The following VENTX variants were observed in gnomAD, a reference collection of about 807,000 sequenced individuals.
VENTX encodes the protein homeobox protein VENTX.
VENTX carries 13 observed loss-of-function variants against 10.5 expected under a neutral mutation model. The ratio of observed to expected loss-of-function variants is 1.23; its 90% CI spans 0.80 to 1.96. The LOEUF is 1.96. Among genes scored for constraint, VENTX ranks in the 30% most tolerant of loss-of-function variants. VENTX has a pLI of 0.00. For synonymous variants in VENTX, 177 were observed against 150.4 expected (o/e 1.18, Z -1.29); for missense variants, 400 against 341.8 (o/e 1.17, Z -1.34).
Position 133,239,752 on chromosome 10 carries a change from G to C in VENTX, c.318G>C (p.Leu106Phe). The C allele has an allele frequency of 6.2e-7, 1 of 1,611,304 alleles. No homozygotes were observed. The highest frequency in any genetic ancestry group is 2.2e-5 in the East Asian group (1 of 44,878). ...TCACCATGGAGCAGGTCCGCACCTT[G>C]GAGGGCGTCTTCCAGCACCACCAGT... ...TAFTMEQVRT[L>F]EGVFQHHQYL... is the part of the protein sequence containing the mutation. The change falls in exon 2 of 3, where the codon TTG becomes TTC. Residue 106 changes from leucine to phenylalanine, a missense_variant. Transcript: ENST00000325980.
At chr10:133,239,224 G>A (rs1845893711) in intron 1 of VENTX, among the ~76,000 whole-genome samples, 2 of 152,204 alleles carry the variant, frequency 1.3e-5, no homozygotes, top group African/African-American at 4.8e-5. Context: ...TAGAAATTAG[G>A]AAACAGACTT....
chr10:133,238,215 C>G, intron 1 of VENTX, 60 bp downstream of exon 1: 1 of 1,499,950 alleles, frequency 6.7e-7, no homozygotes, highest in South Asian at 1.4e-5. Context: ...GGGGGAGAGG[C>G]CAGGAGCCCG....
Position 133,237,969 on chromosome 10 carries a change from T to C in VENTX, c.55T>C (p.Ser19Pro), listed in dbSNP as rs990097804. ...CCCGCAGCAGCTCTCCAGCTTTGGC[T>C]CCGTGGACTGGCTCTCCCAGAGCAG... ...RGPQQLSSFG[S>P]VDWLSQSSCS... The change falls in exon 1 of 3, where the codon TCC becomes CCC. Residue 19 changes from serine to proline, a missense_variant. Coordinates refer to ENST00000325980, the MANE Select transcript of VENTX (RefSeq NM_014468.4). The C allele has an allele frequency of 2.5e-6, 4 of 1,600,642 alleles. No individual in the cohort carries two copies. The African/African-American group carries it at 4.0e-5, about 16-fold the overall frequency.
Position 133,241,162 on chromosome 10 carries a change from C to T in VENTX, c.*856C>T, listed in dbSNP as rs1405436995. 1 of 152,392 alleles carries T rather than the reference C, an allele frequency of 6.6e-6. No homozygotes were observed. Among genetic ancestry groups the T allele is most frequent in the East Asian group, 1.9e-4 (1 of 5,190 alleles). The allele number at this position is 152,392 out of a possible 1,614,324, so 9.4% of individuals were successfully genotyped here. ...GAAAGCAGGAGGGAACAAAGGTGAA[C>T]ATGAAGGCGAGGATGCTGGGGCCCT... On this transcript the variant is annotated 3_prime_UTR_variant, in exon 3 of 3. Transcript: ENST00000325980.
rs141512959 is a variant in VENTX at position 133,239,805 on chromosome 10, T to C, written c.371T>C (p.Leu124Pro). 10 of 1,436,754 alleles carry C rather than the reference T, an allele frequency of 7.0e-6. No homozygotes were observed. The highest frequency in any genetic ancestry group is 9.3e-6 in the Non-Finnish European group (10 of 1,073,932). The allele number at this position is 1,436,754 out of a possible 1,614,324, so 89.0% of individuals were successfully genotyped here. ...CTGAGCCCTCTGGAGCGGAAGAGGC[T>C]GGCCAGGGAGATGCAGCTCTCAGAG... Reference protein sequence around the residue: ...QYLSPLERKRLAREMQLSEVQ... With the variant: ...QYLSPLERKRPAREMQLSEVQ... The change falls in exon 2 of 3, where the codon CTG becomes CCG. Residue 124 changes from leucine (L) to proline (P), a missense_variant. Transcript: ENST00000325980.
In VENTX at chr10:133,237,918, C is replaced by G. The variant is rs199772075; in HGVS notation, c.4C>G (p.Arg2Gly). 2.2e-4 allele frequency: 345 copies of G among 1,586,570 alleles called. 1 individual carries two copies. In the African/African-American group the frequency reaches 4.2e-3, roughly 19 times the overall value. Residue 2 changes from arginine to glycine, a missense_variant, in exon 1 of 3, where the codon CGC becomes GGC. Coordinates refer to ENST00000325980, the MANE Select transcript of VENTX (RefSeq NM_014468.4). ...CCCTCCGGCCCACCTGGCCGCCATGCGCCTCTCCTCCTCCCCACCTCGTGG... is the reference window on the plus strand; with the variant it reads ...CCCTCCGGCCCACCTGGCCGCCATGGGCCTCTCCTCCTCCCCACCTCGTGG... M[R>G]LSSSPPRGPQ...
chr10:133,239,008 T>C (rs916907891), intron 1 of VENTX, among the ~76,000 whole-genome samples: 1 of 152,174 alleles, frequency 6.6e-6, no homozygotes, highest in Non-Finnish European at 1.5e-5. Context: ...GGCATTTGCT[T>C]TTTGGGTCTA....
At position 133,241,915 on chromosome 10, in the gene VENTX, A is replaced by T. The variant is rs1845938838; in HGVS notation, c.*1609A>T. The T allele has an allele frequency of 6.6e-6, 1 of 152,274 alleles. No individual in the cohort carries two copies. The highest frequency in any genetic ancestry group is 1.5e-5 in the Non-Finnish European group (1 of 68,084). The allele number at this position is 152,274 out of a possible 1,614,324, so 9.4% of individuals were successfully genotyped here. A position where few individuals can be genotyped will look rare whatever the true frequency, so the allele number is the denominator to read the frequency against. On this transcript the variant is annotated 3_prime_UTR_variant, in exon 3 of 3. Coordinates refer to ENST00000325980, the MANE Select transcript of VENTX (RefSeq NM_014468.4). ...GGGGCACGTTGTCCGTGATAAAAGT[A>T]CAAGTGCCCCTCACCGCCCGTGGAG...
Position 133,238,013 on chromosome 10 carries a change from C to T in VENTX, c.99C>T (p.His33=), listed in dbSNP as rs1314460795. 4.4e-6 allele frequency: 7 copies of T among 1,600,390 alleles called. No homozygotes were observed. The South Asian group carries it at 7.8e-5, about 18-fold the overall frequency. Residue 33 remains histidine (H), a synonymous_variant, in exon 1 of 3, where the codon CAC becomes CAT. Transcript: ENST00000325980. The part of the protein sequence containing the change: ...LSQSSCSGPT[H]TPRPADFSLG... ...AGAGCAGCTGCTCAGGGCCGACCCA[C>T]ACCCCCAGGCCTGCCGACTTCTCCC...
intron 1 of VENTX, 43 bp downstream of exon 1, chr10:133,238,198 T>A (rs1406606366): frequency 1.3e-6 from 2 of 1,546,894 alleles, no homozygotes; most frequent in Non-Finnish European, 1.7e-6. Context: ...CAGGTGGAGA[T>A]GGGAGTGGGG....
Position 133,240,468 on chromosome 10 carries a change from G to A in VENTX, c.*162G>A, listed in dbSNP as rs1427049718. 20 of 466,210 alleles carry A rather than the reference G, an allele frequency of 4.3e-5. No individual in the cohort carries two copies. The highest frequency in any genetic ancestry group is 2.1e-4 in the East Asian group (5 of 23,316). The allele number at this position is 466,210 out of a possible 1,614,324, so 28.9% of individuals were successfully genotyped here. A position where few individuals can be genotyped will look rare whatever the true frequency, so the allele number is the denominator to read the frequency against. On this transcript the variant is annotated 3_prime_UTR_variant, in exon 3 of 3. Coordinates refer to ENST00000325980, the MANE Select transcript of VENTX (RefSeq NM_014468.4). ...AATATATATAAATATATATATGTAC[G>A]TATATATGTAAATACACATATACGT...
intron 2 of VENTX, 35 bp downstream of exon 2, chr10:133,239,871 G>A: frequency 6.2e-7 from 1 of 1,606,852 alleles, no homozygotes; most frequent in Non-Finnish European, 8.5e-7. Flanking sequence ...GTGGGCAGGG[G>A]TGGGCAAGGG....
Position 133,239,983 on chromosome 10 carries a change from G to T in VENTX, c.454G>T (p.Asp152Tyr), listed in dbSNP as rs1845909835. 1 of 1,611,748 alleles carries T rather than the reference G, an allele frequency of 6.2e-7. No individual in the cohort carries two copies. Among genetic ancestry groups the T allele is most frequent in the African/African-American group, 1.3e-5 (1 of 74,764 alleles). The stretch of plus-strand genomic sequence containing the variant: ...CATGAAACACAAACGGCAAATGCAG[G>T]ACCCCCAGCTGCACAGCCCCTTCTC... ...RRMKHKRQMQ[D>Y]PQLHSPFSGS... Residue 152 changes from aspartate (D) to tyrosine (Y), a missense_variant, in exon 3 of 3, where the codon GAC (aspartate) becomes TAC (tyrosine). Physicochemically the swap from Asp to Tyr is radical, Grantham distance 160. Coordinates refer to ENST00000325980, the MANE Select transcript of VENTX (RefSeq NM_014468.4).
chr10:133,238,923 C>T (rs1370879284), intron 1 of VENTX, among the ~76,000 whole-genome samples: 1 of 152,202 alleles, frequency 6.6e-6, no homozygotes, highest in Non-Finnish European at 1.5e-5. Flanking sequence ...TATCCTGCCC[C>T]ACCCCAAAAA....
rs777134031 is a variant in VENTX, at chr10:133,237,883, G to T, written c.-32G>T. The T allele has an allele frequency of 6.4e-7, 1 of 1,550,508 alleles. No homozygotes were observed. The highest frequency in any genetic ancestry group is 8.7e-7 in the Non-Finnish European group (1 of 1,154,002). On this transcript the variant is annotated 5_prime_UTR_variant, in exon 1 of 3. Transcript: ENST00000325980. ...GTGGATCCTGCGCCTGGCCAGCCCCGCCTGGCCTTCCCTCCGGCCCACCTG... is the reference window on the plus strand; with the variant it reads ...GTGGATCCTGCGCCTGGCCAGCCCCTCCTGGCCTTCCCTCCGGCCCACCTG...
Position 133,238,161 on chromosome 10 carries a change from T to A in VENTX, c.241+6T>A. ...GCCGGAGAGGACCATGGCCGGTAGG[T>A]CCGGGTGGGGGGGGTCCCTTCCTTC... On this transcript the variant is annotated splice_donor_region_variant and intron_variant, in intron 1 of 2. Transcript: ENST00000325980. 1.9e-6 allele frequency: 3 copies of A among 1,582,554 alleles called. No individual in the cohort carries two copies. The highest frequency in any genetic ancestry group is 1.1e-5 in the South Asian group (1 of 87,058).
rs45620332 is a variant in VENTX at position 133,239,954 on chromosome 10, G to A, written c.425G>A (p.Arg142His). The change falls in exon 3 of 3, where the codon CGC (arginine) becomes CAC (histidine). Residue 142 changes from arginine to histidine, a missense_variant. By Grantham distance (29) the Arg-to-His change is conservative (BLOSUM62 0). Coordinates refer to ENST00000325980, the MANE Select transcript of VENTX (RefSeq NM_014468.4). ...EVQIKTWFQN[R>H]RMKHKRQMQD... ...CAGATAAAAACCTGGTTTCAGAATC[G>A]CCGCATGAAACACAAACGGCAAATG... The A allele has an allele frequency of 1.2e-5, 19 of 1,611,990 alleles. No individual in the cohort carries two copies. The highest frequency in any genetic ancestry group is 4.5e-5 in the East Asian group (2 of 44,872).
chr10:133,239,832 TC>T lies in VENTX; in HGVS notation c.400del (p.Gln134ArgfsTer2). 1 of 1,497,772 alleles carries T rather than the reference TC, an allele frequency of 6.7e-7. No homozygotes were observed. Among genetic ancestry groups the T allele is most frequent in the Non-Finnish European group, 9.0e-7 (1 of 1,109,196 alleles). The allele number at this position is 1,497,772 out of a possible 1,614,324, so 92.8% of individuals were successfully genotyped here. A position where few individuals can be genotyped will look rare whatever the true frequency, so the allele number is the denominator to read the frequency against. On this transcript the variant is annotated frameshift_variant, in exon 2 of 3. Coordinates refer to ENST00000325980, the MANE Select transcript of VENTX (RefSeq NM_014468.4). LOFTEE classifies it low-confidence loss of function (END_TRUNC). ...RLAREMQLSE[V>X]QIKTWFQNRR... ...GCCAGGGAGATGCAGCTCTCAGAGG[TC>T]CAGGTGAGGTGGGCCGGGCAGGCTG... is the stretch of plus-strand genomic sequence containing the variant.
Position 133,240,457 on chromosome 10 carries a change from T to C in VENTX, c.*151T>C, listed in dbSNP as rs1845918386. The C allele has an allele frequency of 6.4e-6, 3 of 468,766 alleles. No individual in the cohort carries two copies. Among genetic ancestry groups the C allele is most frequent in the Non-Finnish European group, 1.0e-5 (3 of 297,458 alleles). 29.0% of individuals were successfully genotyped at this position (468,766 alleles called of 1,614,324 possible). ...GATTACTGGAGAATATATATAAATA[T>C]ATATATGTACGTATATATGTAAATA... On this transcript the variant is annotated 3_prime_UTR_variant, in exon 3 of 3. Coordinates refer to ENST00000325980, the MANE Select transcript of VENTX (RefSeq NM_014468.4).
Sources: allele counts gnomAD v4.1 joint callset (sites outside exome capture counted in the v4.1 genomes callset), GRCh38; gene constraint gnomAD v4.1.1; transcripts MANE v1.5; gene names NCBI Gene and HGNC (gene_info 2026-07-23, HGNC 2026-07-21).